The following NDC80 variants were observed in gnomAD, a reference collection of about 807,000 sequenced individuals.
The protein encoded by NDC80 is NDC80 kinetochore complex component.
Under a neutral mutation model 89.3 loss-of-function variants are expected in NDC80, and 69 were observed. The observed-to-expected ratio is 0.77, with a 90% CI of 0.64 to 0.94. The LOEUF is 0.94. Among genes scored for constraint, NDC80 ranks in the 40% least tolerant of loss-of-function variants. The probability of loss-of-function intolerance (pLI) is 0.00; values close to 1 mark genes in which losing one functional copy is unlikely to be tolerated. For missense variants in NDC80, 593 were observed against 739.6 expected, an observed-to-expected ratio of 0.80 and a Z score of 2.30; for synonymous variants, 243 against 255.6, an observed-to-expected ratio of 0.95 and a Z score of 0.47.
Position 2,579,514 on chromosome 18 carries a change from G to A in NDC80, c.579+485G>A, listed in dbSNP as rs543620225. 1.6e-4 allele frequency among the ~76,000 whole-genome samples: 25 copies of A among 152,150 alleles called. No homozygotes were observed. The East Asian group carries it at 2.1e-3, about 13-fold the overall frequency. On this transcript the variant is annotated intron_variant, in intron 6 of 16. Transcript: ENST00000261597. ...ATGATCTCAGCTCACTTCAACCTCCGCTTCCCAGGTTCAAGAAATTCTCCT... is the reference window on the plus strand; with the variant it reads ...ATGATCTCAGCTCACTTCAACCTCCACTTCCCAGGTTCAAGAAATTCTCCT...
chr18:2,614,759 C>G, intron 16 of NDC80, among the ~76,000 whole-genome samples: 1 of 151,990 alleles, frequency 6.6e-6, no homozygotes, highest in East Asian at 1.9e-4. Flanking sequence ...TGAATAGTGC[C>G]CCCCGCAAAA....
chr18:2,616,430 T>C lies in NDC80; in HGVS notation c.1792-7T>C. ...TTACTTTAACAATTGTTAATTCTCT[T>C]CACTAGAAACATCTTGAGGAGCAGA... On this transcript the variant is annotated splice_region_variant and splice_polypyrimidine_tract_variant and intron_variant, in intron 16 of 16. Transcript: ENST00000261597. 2 of 1,465,780 alleles carry C rather than the reference T, an allele frequency of 1.4e-6. No individual in the cohort carries two copies. The highest frequency in any genetic ancestry group is 1.4e-5 in the African/African-American group (1 of 69,118). The allele number at this position is 1,465,780 out of a possible 1,614,324, so 90.8% of individuals were successfully genotyped here.
In NDC80 at chr18:2,616,483, A is replaced by G. The variant is rs371426220; in HGVS notation, c.1838A>G (p.Glu613Gly). The part of the protein sequence containing the change: ...QIAKVDREYE[E>G]CMSEDLSENI... ...GCTAAAGTTGATAGAGAATATGAAG[A>G]ATGCATGTCAGAAGATCTCTCGGAA... is the stretch of plus-strand genomic sequence containing the variant. Residue 613 changes from glutamate (E) to glycine (G), a missense_variant, in exon 17 of 17, where the codon GAA (glutamate) becomes GGA (glycine). Physicochemically the swap from Glu to Gly is moderately conservative, Grantham distance 98. Coordinates refer to ENST00000261597, the MANE Select transcript of NDC80 (RefSeq NM_006101.3). The G allele has an allele frequency of 1.3e-5, 20 of 1,540,214 alleles. No individual in the cohort carries two copies. The highest frequency in any genetic ancestry group is 1.8e-5 in the Non-Finnish European group (20 of 1,135,804).
At position 2,593,052 on chromosome 18, in the gene NDC80, G is replaced by C. The variant is rs868467668; in HGVS notation, c.1016-2364G>C. On this transcript the variant is annotated intron_variant, in intron 10 of 16. Transcript: ENST00000261597. ...TGTGTGTGTGTGTGTGTGTGTGTGT[G>C]TGTCTTTTTTTTTTTTTTTTGAGTC... is the stretch of plus-strand genomic sequence containing the variant. 5.7e-4 allele frequency among the ~76,000 whole-genome samples: 62 copies of C among 108,470 alleles called. 1 individual carries two copies. The highest frequency in any genetic ancestry group is 7.2e-4 in the Non-Finnish European group (38 of 53,112). The allele number at this position is 108,470 out of a possible 152,430, so 71.2% of individuals were successfully genotyped here.
At chr18:2,612,608 G>A (rs1252200761) in intron 16 of NDC80, among the ~76,000 whole-genome samples, 2 of 152,038 alleles carry the variant, frequency 1.3e-5, no homozygotes, top group African/African-American at 2.4e-5. Flanking sequence ...ATTATCTGCA[G>A]CTCTATTGTC....
intron 11 of NDC80, 85 bp from the exon 12 acceptor site, chr18:2,598,934 T>C: frequency 2.0e-5 from 27 of 1,333,692 alleles, no homozygotes; most frequent in Non-Finnish European, 2.6e-5. Context: ...GTGATATGTT[T>C]TGTATAAAAT....
Position 2,590,044 on chromosome 18 carries a change from G to A in NDC80, c.897G>A (p.Leu299=). The change falls in exon 10 of 17, where the codon CTG becomes CTA. Residue 299 remains leucine, a synonymous_variant. Transcript: ENST00000261597. ...EPNRLESLRK[L]KASLQGDVQK... ...ATCGTCTAGAGTCGTTGAGAAAACT[G>A]AAGGCTTCCTTACAAGGAGATGTTC... 6.2e-7 allele frequency: 1 copy of A among 1,603,370 alleles called. No individual in the cohort carries two copies. The highest frequency in any genetic ancestry group is 8.5e-7 in the Non-Finnish European group (1 of 1,174,602).
rs147838208 is a variant in NDC80, at chr18:2,576,331, A to G, written c.179+1265A>G. Among the ~76,000 whole-genome samples the G allele has an allele frequency of 2.0e-3, 306 of 152,308 alleles. 2 individuals carry two copies. The highest frequency in any genetic ancestry group is 6.8e-3 in the African/African-American group (284 of 41,570). On this transcript the variant is annotated intron_variant, in intron 3 of 16. Transcript: ENST00000261597. ...CATGTTTTCAACTTTTAAAAAACAT[A>G]TTTTCAAAAATAAAACAATTTCAGT...
At chr18:2,579,287 AT>A in intron 6 of NDC80, 1 of 328,412 alleles carries the variant, frequency 3.0e-6, no homozygotes, top group East Asian at 4.9e-5. Flanking sequence ...TTCATTTTTT[AT>A]TTTCCCTCAT....
At chr18:2,605,696 T>C (rs1598245172) in intron 13 of NDC80, among the ~76,000 whole-genome samples, 1 of 152,066 alleles carries the variant, frequency 6.6e-6, no homozygotes, top group South Asian at 2.1e-4. Flanking sequence ...TTTTTTTTAA[T>C]TTCATATGTG....
intron 13 of NDC80, among the ~76,000 whole-genome samples, chr18:2,603,356 C>CATATATATGTATATATATATATATAT (rs1555618773): frequency 1.2e-4 from 15 of 120,800 alleles, no homozygotes; most frequent in Non-Finnish European, 1.4e-4. Context: ...TATGTTTATA[C>CATATATATGTATATATATATATATAT]ATATATATAT....
intron 2 of NDC80, among the ~76,000 whole-genome samples, chr18:2,574,123 G>A (rs1352567688): frequency 6.6e-6 from 1 of 152,088 alleles, no homozygotes; most frequent in Non-Finnish European, 1.5e-5. Context: ...AATAAGCAGG[G>A]AACAGACAAA....
At chr18:2,591,402 C>T (rs1485380328) in intron 10 of NDC80, among the ~76,000 whole-genome samples, 1 of 152,054 alleles carries the variant, frequency 6.6e-6, no homozygotes, top group Non-Finnish European at 1.5e-5. Context: ...ACTGTTTTCC[C>T]AGGACTTTGC....
intron 2 of NDC80, among the ~76,000 whole-genome samples, chr18:2,574,146 T>C (rs2072533980): frequency 6.6e-6 from 1 of 152,094 alleles, no homozygotes; most frequent in South Asian, 2.1e-4. Flanking sequence ...GCACATGTTC[T>C]CATAGGTGGA....
At chr18:2,586,160 A>G (rs2072601958) in intron 7 of NDC80, among the ~76,000 whole-genome samples, 1 of 152,248 alleles carries the variant, frequency 6.6e-6, no homozygotes, top group Non-Finnish European at 1.5e-5. Flanking sequence ...TCACAAAAGA[A>G]AAGTGGAAAT....
chr18:2,594,058 A>G (rs551414036), intron 10 of NDC80, among the ~76,000 whole-genome samples: 1 of 152,178 alleles, frequency 6.6e-6, no homozygotes, highest in East Asian at 1.9e-4. Flanking sequence ...ATGCGCCACC[A>G]TGCCCAGCTA....
chr18:2,574,936 T>C, intron 2 of NDC80, 53 bp from the exon 3 acceptor site: 1 of 1,162,088 alleles, frequency 8.6e-7, no homozygotes, highest in Non-Finnish European at 1.2e-6. Context: ...TAAAAGTTTC[T>C]TGAGCTAATT....
chr18:2,589,407 T>A, intron 9 of NDC80, 97 bp downstream of exon 9: 1 of 817,470 alleles, frequency 1.2e-6, no homozygotes, highest in Non-Finnish European at 2.0e-6. Flanking sequence ...AAAAAATAGA[T>A]TAACAAATTA....
intron 7 of NDC80, among the ~76,000 whole-genome samples, chr18:2,587,188 T>C (rs2072606810): frequency 6.6e-6 from 1 of 152,354 alleles, no homozygotes; most frequent in Non-Finnish European, 1.5e-5. Context: ...ATCTAAGGTA[T>C]GGAAAATTCT....
Sources: gnomAD v4.1 joint callset for allele counts (sites outside exome capture counted in the v4.1 genomes callset) on GRCh38, gnomAD v4.1.1 for gene constraint, MANE v1.5 for transcripts, NCBI Gene and HGNC (gene_info 2026-07-23, HGNC 2026-07-21) for gene names.